The following RBFOX1 variants were observed in gnomAD, a reference collection of about 807,000 sequenced individuals.
RBFOX1 encodes RNA binding protein fox-1 homolog 1.
Under a neutral mutation model 57.7 loss-of-function variants are expected in RBFOX1, and 8 were observed. The ratio of observed to expected loss-of-function variants is 0.14; its 90% CI spans 0.08 to 0.25. RBFOX1 has a LOEUF of 0.25. Ranked by LOEUF, RBFOX1 falls within the 10% of genes least tolerant of loss-of-function variation. The pLI, the probability that RBFOX1 is intolerant of heterozygous loss-of-function variation, is 1.00. For synonymous variants in RBFOX1, 326 were observed against 222.4 expected, an observed-to-expected ratio of 1.47 and a Z score of -4.15; for missense variants, 611 against 548.5, an observed-to-expected ratio of 1.11 and a Z score of -1.14.
intron 2 of RBFOX1, among the ~76,000 whole-genome samples, chr16:5,528,386 T>C (rs28756679): frequency 0.37 from 56,256 of 151,642 alleles, 11,936 homozygotes; most frequent in East Asian, 0.85. Context: ...GAGTATGTGT[T>C]GCACATTTAC....
chr16:5,495,438 C>G (rs1567161638), intron 2 of RBFOX1, among the ~76,000 whole-genome samples: 1 of 152,204 alleles, frequency 6.6e-6, no homozygotes, highest in East Asian at 1.9e-4. Context: ...CCAGTCCCAT[C>G]ATCCAGTCAC....
chr16:6,918,312 G>A (rs1015329115), intron 3 of RBFOX1, among the ~76,000 whole-genome samples: 2 of 151,624 alleles, frequency 1.3e-5, no homozygotes, highest in Non-Finnish European at 2.9e-5. Flanking sequence ...CACACATTTG[G>A]GGACTCCACC....
rs981573447 is a variant in RBFOX1 at position 7,638,434 on chromosome 16, C to A, written c.757+7751C>A. ...CTACTCTCTCAACTTACCCCAGAGG[C>A]TGGAAACAGGATGGACTCCAAGAAA... On this transcript the variant is annotated intron_variant, in intron 11 of 15. Coordinates refer to ENST00000550418, the MANE Select transcript of RBFOX1 (RefSeq NM_018723.4). Among the ~76,000 whole-genome samples, 3 of 152,030 alleles carry A rather than the reference C, an allele frequency of 2.0e-5. No individual in the cohort carries two copies. The South Asian group carries it at 6.2e-4, about 32-fold the overall frequency.
intron 3 of RBFOX1, among the ~76,000 whole-genome samples, chr16:6,830,037 C>G (rs1004248368): frequency 6.6e-6 from 1 of 152,124 alleles, no homozygotes; most frequent in African/African-American, 2.4e-5. Context: ...ATGCCTCAGC[C>G]TCCCAAGTAA....
chr16:7,159,364 C>G (rs1056064352), intron 4 of RBFOX1, among the ~76,000 whole-genome samples: 1 of 152,036 alleles, frequency 6.6e-6, no homozygotes, highest in African/African-American at 2.4e-5. Context: ...GGTGAACCTG[C>G]TTGGCTTACA....
intron 2 of RBFOX1, among the ~76,000 whole-genome samples, chr16:6,399,362 C>T (rs57414511): frequency 0.36 from 54,327 of 152,044 alleles, 9,866 homozygotes; most frequent in East Asian, 0.55. Context: ...ATGCGGATTT[C>T]TTCCACCAGA....
intron 4 of RBFOX1, among the ~76,000 whole-genome samples, chr16:7,139,168 A>ATCTCTCTCTC (rs144266030): frequency 1.0e-4 from 14 of 139,494 alleles, no homozygotes; most frequent in South Asian, 2.4e-4. Flanking sequence ...GATGAAATCA[A>ATCTCTCTCTC]TCTCTCTCTG....
intron 3 of RBFOX1, among the ~76,000 whole-genome samples, chr16:7,001,878 A>C (rs1261145400): frequency 6.6e-6 from 1 of 152,154 alleles, no homozygotes; most frequent in Non-Finnish European, 1.5e-5. Flanking sequence ...TTTCTTATTA[A>C]GTGGGGAGTC....
At chr16:7,690,344 G>A (rs1313518753) in intron 14 of RBFOX1, among the ~76,000 whole-genome samples, 5 of 152,078 alleles carry the variant, frequency 3.3e-5, no homozygotes, top group Admixed American at 6.6e-5. Flanking sequence ...TTTAAAAACT[G>A]CTGAGGCCCG....
At chr16:6,130,259 A>G (rs975504764) in intron 1 of RBFOX1, among the ~76,000 whole-genome samples, 5 of 152,160 alleles carry the variant, frequency 3.3e-5, no homozygotes, top group African/African-American at 4.8e-5. Context: ...GTGCAAATGT[A>G]TGATGCTGAG....
intron 1 of RBFOX1, among the ~76,000 whole-genome samples, chr16:5,277,038 A>G (rs1387683060): frequency 6.6e-6 from 1 of 152,216 alleles, no homozygotes; most frequent in Non-Finnish European, 1.5e-5. Context: ...CTATAGAACC[A>G]GCCCAAATGC....
rs9933565 is a variant in RBFOX1, at chr16:5,809,389, C to T, written c.319-57914C>T. On this transcript the variant is annotated intron_variant, in intron 3 of 19. Transcript: ENST00000641259. Reference sequence around the variant, plus strand: ...ACTGCTATCAGAGTGAACAGGCAGCCTACACAATGGGAGAAAATTTTCGCA... The same window carrying T: ...ACTGCTATCAGAGTGAACAGGCAGCTTACACAATGGGAGAAAATTTTCGCA... Among the ~76,000 whole-genome samples, 234 of 152,074 alleles carry T rather than the reference C, an allele frequency of 1.5e-3. 1 individual carries two copies. The highest frequency in any genetic ancestry group is 5.4e-3 in the African/African-American group (226 of 41,510).
intron 4 of RBFOX1, among the ~76,000 whole-genome samples, chr16:7,166,969 G>GTCCTTTTT (rs2079645714): frequency 2.0e-5 from 1 of 49,888 alleles, no homozygotes; most frequent in African/African-American, 9.1e-5. Flanking sequence ...CTGCATTGGT[G>GTCCTTTTT]TTCTTTTTTT....
chr16:6,558,063 G>C (rs1329686791), intron 2 of RBFOX1, among the ~76,000 whole-genome samples: 1 of 152,028 alleles, frequency 6.6e-6, no homozygotes, highest in African/African-American at 2.4e-5. Context: ...CTTTTTTAAG[G>C]CTCTCTATGT....
intron 2 of RBFOX1, among the ~76,000 whole-genome samples, chr16:6,322,919 A>G (rs781109441): frequency 6.6e-6 from 1 of 152,046 alleles, no homozygotes; most frequent in Admixed American, 6.6e-5. Flanking sequence ...TGACCATCCC[A>G]TTTGCTTTGA....
chr16:5,621,879 A>G (rs891779166), intron 3 of RBFOX1, among the ~76,000 whole-genome samples: 6 of 152,204 alleles, frequency 3.9e-5, no homozygotes, highest in African/African-American at 1.4e-4. Flanking sequence ...TAGGGGTAGT[A>G]GTGATGATGT....
intron 4 of RBFOX1, among the ~76,000 whole-genome samples, chr16:7,501,833 A>C (rs1374188838): frequency 1.3e-5 from 2 of 152,136 alleles, no homozygotes; most frequent in African/African-American, 4.8e-5. Context: ...ACCCTATTGC[A>C]CTGTAAATCT....
At chr16:7,286,103 A>AT (rs2095646055) in intron 4 of RBFOX1, among the ~76,000 whole-genome samples, 1 of 152,230 alleles carries the variant, frequency 6.6e-6, no homozygotes, top group African/African-American at 2.4e-5. Flanking sequence ...TTTATAGATG[A>AT]TTTAAATAAG....
intron 4 of RBFOX1, among the ~76,000 whole-genome samples, chr16:7,246,028 T>C (rs2152993880): frequency 6.6e-6 from 1 of 152,366 alleles, no homozygotes; most frequent in Non-Finnish European, 1.5e-5. Context: ...GCACAAATTA[T>C]CACCCACCTT....
Sources: gnomAD v4.1 joint callset for allele counts (sites outside exome capture counted in the v4.1 genomes callset) on GRCh38, gnomAD v4.1.1 for gene constraint, MANE v1.5 for transcripts, NCBI Gene and HGNC (gene_info 2026-07-23, HGNC 2026-07-21) for gene names.